SENP7: variants seen among roughly 807,000 people sequenced by gnomAD.
The protein encoded by SENP7 is SUMO specific peptidase 7, also known as sentrin-specific protease 7.
A neutral mutation model predicts 141.2 loss-of-function variants in SENP7; 64 were observed. That is an observed-to-expected ratio of 0.45 (90% CI 0.37 to 0.56). SENP7 has a LOEUF of 0.56. Ranked by LOEUF, SENP7 falls within the 20% of genes least tolerant of loss-of-function variation. The probability of loss-of-function intolerance (pLI) is 0.00; values close to 1 mark genes in which losing one functional copy is unlikely to be tolerated. For missense variants in SENP7, 1,025 were observed against 1,212.2 expected, an observed-to-expected ratio of 0.85 and a Z score of 2.29; for synonymous variants, 382 against 426.4, an observed-to-expected ratio of 0.90 and a Z score of 1.28.
At chr3:101,400,477 G>A (rs955246613) in intron 5 of SENP7, among the ~76,000 whole-genome samples, 8 of 149,990 alleles carry the variant, frequency 5.3e-5, no homozygotes, top group Non-Finnish European at 1.0e-4. Context: ...GTCACATTTC[G>A]GTAACTCTCA....
intron 3 of SENP7, among the ~76,000 whole-genome samples, chr3:101,478,762 A>AT (rs2064328204): frequency 6.6e-6 from 1 of 152,198 alleles, no homozygotes; most frequent in Admixed American, 6.5e-5. Context: ...CTTCCAGCCA[A>AT]TATCCCTTAT....
intron 4 of SENP7, among the ~76,000 whole-genome samples, chr3:101,455,298 G>A (rs2063314026): frequency 6.6e-6 from 1 of 152,124 alleles, no homozygotes; most frequent in African/African-American, 2.4e-5. Flanking sequence ...ATAGTAAGAA[G>A]GCCTAAATTT....
chr3:101,507,368 T>C (rs767872596), intron 1 of SENP7, among the ~76,000 whole-genome samples: 28 of 152,336 alleles, frequency 1.8e-4, no homozygotes, highest in Admixed American at 1.4e-3. Context: ...TCATCAAGCC[T>C]AGGAATCACC....
chr3:101,501,171 T>A, intron 1 of SENP7, 52 bp from the exon 2 acceptor site: 3 of 1,218,334 alleles, frequency 2.5e-6, no homozygotes, highest in Non-Finnish European at 3.6e-6. Flanking sequence ...CTAAATGAGA[T>A]AAACAGTTTG....
intron 3 of SENP7, among the ~76,000 whole-genome samples, chr3:101,467,744 G>A (rs550754124): frequency 6.6e-6 from 1 of 152,130 alleles, no homozygotes; most frequent in African/African-American, 2.4e-5. Flanking sequence ...AACCACAAAG[G>A]GGGAGAAACT....
intron 3 of SENP7, among the ~76,000 whole-genome samples, chr3:101,472,951 T>G (rs996387453): frequency 6.6e-6 from 1 of 152,170 alleles, no homozygotes; most frequent in Non-Finnish European, 1.5e-5. Context: ...TGTTGTCCCC[T>G]TCTGTGTCCA....
chr3:101,508,762 A>T (rs1407388446), intron 1 of SENP7, among the ~76,000 whole-genome samples: 1 of 152,076 alleles, frequency 6.6e-6, no homozygotes, highest in East Asian at 1.9e-4. Flanking sequence ...AGTAAAATTA[A>T]ACTCATTTTT....
intron 6 of SENP7, among the ~76,000 whole-genome samples, chr3:101,381,863 A>G (rs1255349406): frequency 1.3e-5 from 2 of 152,228 alleles, no homozygotes; most frequent in Admixed American, 6.5e-5. Context: ...ATCTCAAAAT[A>G]GAGTATCTTC....
At chr3:101,371,586 G>A (rs2060182526) in intron 7 of SENP7, among the ~76,000 whole-genome samples, 1 of 152,064 alleles carries the variant, frequency 6.6e-6, no homozygotes, top group Non-Finnish European at 1.5e-5. Flanking sequence ...TGCTAATAGT[G>A]GCTTGTTTGG....
At position 101,417,702 on chromosome 3, in the gene SENP7, A is replaced by G; in HGVS notation, c.373T>C (p.Cys125Arg). The G allele has an allele frequency of 6.2e-7, 1 of 1,614,046 alleles. No homozygotes were observed. Reference sequence around the variant, plus strand: ...TCTGATTGCACCTTGTTGGCATCACATAAATTAGCATCGTTTCTAGGTAGG... The same window carrying G: ...TCTGATTGCACCTTGTTGGCATCACGTAAATTAGCATCGTTTCTAGGTAGG... ...KTLPRNDANLCDANKVQSDSL... is the reference protein window; with the variant it reads ...KTLPRNDANLRDANKVQSDSL... The change falls in exon 5 of 24, where the codon TGT becomes CGT. Residue 125 changes from cysteine to arginine, a missense_variant. This residue lies in a region of SENP7 where 496 missense variants were observed against 503.5 expected (regional missense o/e 0.99). Coordinates refer to ENST00000394095, the MANE Select transcript of SENP7 (RefSeq NM_020654.5).
At chr3:101,395,114 TG>T (rs2060929755) in intron 6 of SENP7, among the ~76,000 whole-genome samples, 1 of 152,200 alleles carries the variant, frequency 6.6e-6, no homozygotes, top group Non-Finnish European at 1.5e-5. Flanking sequence ...TTTACTCTGT[TG>T]ATGGGTTGGC....
chr3:101,385,127 A>C (rs534313414), intron 6 of SENP7, among the ~76,000 whole-genome samples: 13 of 152,294 alleles, frequency 8.5e-5, no homozygotes, highest in Non-Finnish European at 1.6e-4. Flanking sequence ...TACTAGAATA[A>C]ATATATGGAG....
At chr3:101,508,382 G>A (rs1311038004) in intron 1 of SENP7, among the ~76,000 whole-genome samples, 1 of 151,984 alleles carries the variant, frequency 6.6e-6, no homozygotes, top group East Asian at 1.9e-4. Flanking sequence ...AGATCACGAG[G>A]TCAGGAGATC....
At chr3:101,440,581 T>TAAAAAA (rs58673443) in intron 4 of SENP7, among the ~76,000 whole-genome samples, 31 of 124,908 alleles carry the variant, frequency 2.5e-4, no homozygotes, top group African/African-American at 5.9e-4. Flanking sequence ...AAAAATAAAT[T>TAAAAAA]AAAAAAAAAA....
At chr3:101,399,501 A>C (rs2061070081) in intron 5 of SENP7, among the ~76,000 whole-genome samples, 1 of 152,266 alleles carries the variant, frequency 6.6e-6, no homozygotes, top group Non-Finnish European at 1.5e-5. Context: ...AATAAATCCA[A>C]CAAGACATCA....
At chr3:101,418,200 G>A (rs998701240) in intron 4 of SENP7, among the ~76,000 whole-genome samples, 2 of 151,844 alleles carry the variant, frequency 1.3e-5, no homozygotes, top group Non-Finnish European at 2.9e-5. Flanking sequence ...AAAACTAAGG[G>A]TCCACTACTG....
chr3:101,415,088 C>T (rs776658695), intron 5 of SENP7, among the ~76,000 whole-genome samples: 3 of 152,182 alleles, frequency 2.0e-5, no homozygotes, highest in Non-Finnish European at 2.9e-5. Flanking sequence ...AAACAAAATC[C>T]ATGAGGTCAC....
chr3:101,328,574 A>G lies in SENP7; in HGVS notation c.2796-28T>C, dbSNP rs1296051553. 1.9e-6 allele frequency: 3 copies of G among 1,605,810 alleles called. No individual in the cohort carries two copies. The South Asian group carries it at 3.3e-5, about 18-fold the overall frequency. ...ATGAAAAGCAAAGGACAAAATCAAG[A>G]TTTACATACTTGTATACAAAGTATA... is the stretch of plus-strand genomic sequence containing the variant. On this transcript the variant is annotated intron_variant, in intron 21 of 23. Coordinates refer to ENST00000394095, the MANE Select transcript of SENP7 (RefSeq NM_020654.5).
At chr3:101,511,979 C>T (rs974930145) in intron 1 of SENP7, among the ~76,000 whole-genome samples, 2 of 152,034 alleles carry the variant, frequency 1.3e-5, no homozygotes, top group Admixed American at 1.3e-4. Context: ...GCCACCACGC[C>T]CGGCTAATTT....
Sources: allele counts gnomAD v4.1 joint callset (sites outside exome capture counted in the v4.1 genomes callset), GRCh38; gene constraint gnomAD v4.1.1; regional missense constraint gnomAD v4.1.1; transcripts MANE v1.5; gene names NCBI Gene and HGNC (gene_info 2026-07-23, HGNC 2026-07-21).